Variants in GLRX3 observed in about 807,000 individuals in gnomAD.
The protein encoded by GLRX3 is glutaredoxin 3.
In GLRX3, 22 loss-of-function variants were observed where a neutral mutation model predicts 49.5. The observed-to-expected ratio is 0.44, with a 90% CI of 0.32 to 0.63. GLRX3 has a LOEUF of 0.63. GLRX3 is among the 30% of genes least tolerant of loss of function. The pLI is 0.05. For missense variants in GLRX3, 385 were observed against 396.3 expected, an observed-to-expected ratio of 0.97 and a Z score of 0.24; for synonymous variants, 133 against 140.0, an observed-to-expected ratio of 0.95 and a Z score of 0.35.
intron 1 of GLRX3, 49 bp downstream of exon 1, chr10:130,136,561 C>T: frequency 2.4e-6 from 3 of 1,246,046 alleles, no homozygotes; most frequent in Non-Finnish European, 1.0e-6. Context: ...GCGGGAGCGG[C>T]CGCGAGACCG....
rs142995929 is a variant in GLRX3, at chr10:130,161,477, C to A, written c.478+480C>A. Among the ~76,000 whole-genome samples the A allele has an allele frequency of 6.6e-4, 101 of 152,300 alleles. No homozygotes were observed. The East Asian group carries it at 0.014, about 20-fold the overall frequency. On this transcript the variant is annotated intron_variant, in intron 4 of 10. Coordinates refer to ENST00000331244, the MANE Select transcript of GLRX3 (RefSeq NM_006541.5). ...AGTGTTTTTGTGTCCAGCCTGTGTG[C>A]TTTTGCCTCCCCTGTGTCATCACTG...
chr10:130,161,089 T>A (rs1224776718), intron 4 of GLRX3, 92 bp downstream of exon 4: 1 of 811,782 alleles, frequency 1.2e-6, no homozygotes, highest in African/African-American at 1.7e-5. Context: ...CCAAGGATGC[T>A]ATACCATACA....
intron 3 of GLRX3, 73 bp downstream of exon 3, chr10:130,160,142 C>G: frequency 1.1e-6 from 1 of 871,228 alleles, no homozygotes; most frequent in South Asian, 1.4e-5. Context: ...GTTTCTTTAC[C>G]CTCTCTCTAA....
At chr10:130,174,749 G>C in intron 8 of GLRX3, 118 bp from the exon 9 acceptor site, 2 of 709,122 alleles carry the variant, frequency 2.8e-6, no homozygotes, top group South Asian at 3.4e-5. Context: ...TTGGTCTGTA[G>C]TACATTTTGT....
chr10:130,163,004 T>C (rs893996835), intron 4 of GLRX3, among the ~76,000 whole-genome samples: 10 of 152,358 alleles, frequency 6.6e-5, no homozygotes, highest in African/African-American at 2.4e-4. Context: ...CCTTTTACTT[T>C]ATTAAACTGA....
chr10:130,145,433 C>T (rs1192930033), intron 2 of GLRX3, 114 bp downstream of exon 2: 9 of 554,544 alleles, frequency 1.6e-5, no homozygotes, highest in South Asian at 4.7e-5. Flanking sequence ...GAGGCTGAGG[C>T]GGGCAGATCA....
In GLRX3 at chr10:130,179,583, A is replaced by G. The variant is rs901850768; in HGVS notation, c.*191A>G. 1.4e-4 allele frequency: 77 copies of G among 544,700 alleles called. No individual in the cohort carries two copies. Among genetic ancestry groups the G allele is most frequent in the Non-Finnish European group, 5.9e-5 (18 of 305,980 alleles). The allele number at this position is 544,700 out of a possible 1,614,324, so 33.7% of individuals were successfully genotyped here. On this transcript the variant is annotated 3_prime_UTR_variant, in exon 11 of 11. Coordinates refer to ENST00000331244, the MANE Select transcript of GLRX3 (RefSeq NM_006541.5). ...TTTTTTCCCACCAAAAATAGAATGC[A>G]ATAAACATCTTCAAATTATTAACAA...
At chr10:130,162,350 T>A (rs111246295) in intron 4 of GLRX3, among the ~76,000 whole-genome samples, 1 of 152,250 alleles carries the variant, frequency 6.6e-6, no homozygotes, top group Admixed American at 6.5e-5. Flanking sequence ...AGATAATGCC[T>A]GCTATTTGTG....
chr10:130,158,921 A>G (rs770669114), intron 2 of GLRX3, among the ~76,000 whole-genome samples: 3 of 152,182 alleles, frequency 2.0e-5, no homozygotes, highest in Non-Finnish European at 4.4e-5. Flanking sequence ...GCACCCAAGA[A>G]TGTAGGAGAT....
At chr10:130,144,012 T>C (rs1398691465) in intron 1 of GLRX3, among the ~76,000 whole-genome samples, 1 of 152,164 alleles carries the variant, frequency 6.6e-6, no homozygotes, top group East Asian at 1.9e-4. Context: ...AAAAATCTTT[T>C]GTAGCATAAT....
chr10:130,141,076 A>G (rs1190562935), intron 1 of GLRX3, among the ~76,000 whole-genome samples: 1 of 152,154 alleles, frequency 6.6e-6, no homozygotes, highest in African/African-American at 2.4e-5. Flanking sequence ...GTGGCTCATG[A>G]CTGTAATCCC....
chr10:130,168,683 G>A (rs1862743504), intron 6 of GLRX3, among the ~76,000 whole-genome samples: 1 of 152,116 alleles, frequency 6.6e-6, no homozygotes, highest in South Asian at 2.1e-4. Context: ...TCCTGACCTC[G>A]TGATCCACCT....
chr10:130,169,335 C>G, intron 6 of GLRX3, 98 bp from the exon 7 acceptor site: 2 of 760,990 alleles, frequency 2.6e-6, no homozygotes, highest in Non-Finnish European at 4.8e-6. Flanking sequence ...GAACTGTCAT[C>G]CTGCCATCCC....
chr10:130,151,034 TCTC>T (rs1409385429), intron 2 of GLRX3, among the ~76,000 whole-genome samples: 1 of 151,990 alleles, frequency 6.6e-6, no homozygotes, highest in African/African-American at 2.4e-5. Flanking sequence ...TTCAAGGAAT[TCTC>T]CTGCCTCAGC....
chr10:130,142,539 CAT>C (rs963067562), intron 1 of GLRX3, among the ~76,000 whole-genome samples: 15 of 152,118 alleles, frequency 9.9e-5, no homozygotes, highest in African/African-American at 3.4e-4. Context: ...GTAAAATAAA[CAT>C]ATAAGGATTT....
chr10:130,138,605 G>A (rs908630272), intron 1 of GLRX3, among the ~76,000 whole-genome samples: 1 of 152,142 alleles, frequency 6.6e-6, no homozygotes, highest in African/African-American at 2.4e-5. Flanking sequence ...CAGGGGTTGG[G>A]GAGGGACATG....
In GLRX3 at chr10:130,167,153, T is replaced by C. The variant is rs16910156; in HGVS notation, c.713+173T>C. On this transcript the variant is annotated intron_variant, in intron 6 of 10. Transcript: ENST00000331244. Reference sequence around the variant, plus strand: ...AAACTTTGGCAAATCTAATTTGTATTGGAGAAATTTTAGCACCAACTTAGT... The same window carrying C: ...AAACTTTGGCAAATCTAATTTGTATCGGAGAAATTTTAGCACCAACTTAGT... Among the ~76,000 whole-genome samples the C allele has an allele frequency of 9.7e-3, 1,482 of 152,320 alleles. 24 individuals are homozygous for C. Among genetic ancestry groups the C allele is most frequent in the African/African-American group, 0.034 (1,413 of 41,566 alleles).
In GLRX3 at chr10:130,149,240, A is replaced by C. The variant is rs149233150; in HGVS notation, c.201+3921A>C. ...GTATTTCTATCACTAAAAGGAGTTC[A>C]AGACCAGCTTGAGTAACATGGTGAA... is the stretch of plus-strand genomic sequence containing the variant. On this transcript the variant is annotated intron_variant, in intron 2 of 10. Transcript: ENST00000331244. Among the ~76,000 whole-genome samples the C allele has an allele frequency of 4.5e-4, 68 of 152,240 alleles. No individual in the cohort carries two copies. The East Asian group carries it at 8.9e-3, about 20-fold the overall frequency.
intron 10 of GLRX3, among the ~76,000 whole-genome samples, chr10:130,176,767 TCC>T (rs1862929578): frequency 2.5e-5 from 1 of 39,276 alleles, no homozygotes; most frequent in Non-Finnish European, 4.8e-5. Flanking sequence ...CCTCCCTCCC[TCC>T]CTCTTTCTCT....
Sources: allele counts gnomAD v4.1 joint callset (sites outside exome capture counted in the v4.1 genomes callset), GRCh38; gene constraint gnomAD v4.1.1; transcripts MANE v1.5; gene names NCBI Gene and HGNC (gene_info 2026-07-23, HGNC 2026-07-21).